The following MYRF variants were observed in gnomAD, a reference collection of about 807,000 sequenced individuals.
The protein encoded by MYRF is myelin gene regulatory factor.
In MYRF, 16 loss-of-function variants were observed where a neutral mutation model predicts 126.3. That is an observed-to-expected ratio of 0.13 (90% CI 0.09 to 0.19). MYRF has a LOEUF of 0.19. MYRF is among the 10% of genes least tolerant of loss of function. The pLI, the probability that MYRF is intolerant of heterozygous loss-of-function variation, is 1.00. For missense variants in MYRF, 1,104 were observed against 1,547.0 expected (o/e 0.71, Z 4.80); for synonymous variants, 608 against 635.3 (o/e 0.96, Z 0.65).
chr11:61,765,157 G>A (rs751259813), intron 1 of MYRF, among the ~76,000 whole-genome samples: 5 of 152,190 alleles, frequency 3.3e-5, no homozygotes, highest in South Asian at 2.1e-4. Flanking sequence ...TGGAGGACAC[G>A]GCAGGACAGT....
chr11:61,759,186 G>T (rs2065840346), intron 1 of MYRF, among the ~76,000 whole-genome samples: 1 of 152,238 alleles, frequency 6.6e-6, no homozygotes, highest in South Asian at 2.1e-4. Context: ...TGCCTGCCCT[G>T]GTCCCTGTGG....
chr11:61,770,489 A>C lies in MYRF; in HGVS notation c.704A>C (p.Gln235Pro). The C allele has an allele frequency of 6.4e-7, 1 of 1,565,332 alleles. No individual in the cohort carries two copies. The highest frequency in any genetic ancestry group is 8.7e-7 in the Non-Finnish European group (1 of 1,154,840). Reference sequence around the variant, plus strand: ...GATCTTCACCACACCCAGCAGTCCCAGATGCTGCACCAGCTCCTGCAGCAG... The same window carrying C: ...GATCTTCACCACACCCAGCAGTCCCCGATGCTGCACCAGCTCCTGCAGCAG... ...PTDLHHTQQS[Q>P]MLHQLLQQHG... Residue 235 changes from glutamine (Q) to proline (P), a missense_variant, in exon 5 of 27, where the codon CAG (glutamine) becomes CCG (proline). By Grantham distance (76) the Gln-to-Pro change is moderately conservative. Transcript: ENST00000278836.
At chr11:61,785,370 T>C (rs2066666366) in intron 25 of MYRF, 1 of 170,850 alleles carries the variant, frequency 5.9e-6, no homozygotes. Context: ...CAGACCTGGG[T>C]TTGAATCCCA....
Position 61,780,748 on chromosome 11 carries a change from G to A in MYRF, c.2442G>A (p.Leu814=). The change falls in exon 19 of 27, where the codon CTG becomes CTA. Residue 814 remains leucine, a synonymous_variant. Coordinates refer to ENST00000278836, the MANE Select transcript of MYRF (RefSeq NM_001127392.3). Reference sequence around the variant, plus strand: ...TGTCCACTTCCTGTCTCCTGGCCCTGCTCCGGCCCCAGCCCCCTGGGGGGA... The same window carrying A: ...TGTCCACTTCCTGTCTCCTGGCCCTACTCCGGCCCCAGCCCCCTGGGGGGA... ...FAVSTSCLLA[L]LRPQPPGGSE... 5 of 1,548,822 alleles carry A rather than the reference G, an allele frequency of 3.2e-6. No individual in the cohort carries two copies. The highest frequency in any genetic ancestry group is 4.4e-6 in the Non-Finnish European group (5 of 1,147,090).
At chr11:61,755,417 G>A (rs756283532) in intron 1 of MYRF, 24 of 1,609,898 alleles carry the variant, frequency 1.5e-5, no homozygotes, top group South Asian at 2.2e-5. Flanking sequence ...GGGACCCACC[G>A]GGCAGGATGC....
Position 61,781,727 on chromosome 11 carries a change from G to A in MYRF, c.2919G>A (p.Lys973=), listed in dbSNP as rs975848364. The change falls in exon 22 of 27, where the codon AAG becomes AAA. Residue 973 remains lysine (K), a synonymous_variant. Coordinates refer to ENST00000278836, the MANE Select transcript of MYRF (RefSeq NM_001127392.3). ...TCCCTGGGGGGCAGGGCAAAGCCAA[G>A]AACAGTCCCAGCCTTGGTTTCCATG... ...VPFPGGQGKA[K]NSPSLGFHGR... is the part of the protein sequence containing the mutation. 7.4e-6 allele frequency: 12 copies of A among 1,613,180 alleles called. No homozygotes were observed. In the African/African-American group the frequency reaches 1.6e-4, roughly 22 times the overall value.
At position 61,783,841 on chromosome 11, in the gene MYRF, G is replaced by A. The variant is rs1358178995; in HGVS notation, c.3120-10G>A. Reference sequence around the variant, plus strand: ...ACCCTCAGGCTAAGGTGCCAGTTTTGCCCCTGCAGGCCTGGGAACTTCACC... The same window carrying A: ...ACCCTCAGGCTAAGGTGCCAGTTTTACCCCTGCAGGCCTGGGAACTTCACC... On this transcript the variant is annotated splice_polypyrimidine_tract_variant and intron_variant, in intron 23 of 26. Coordinates refer to ENST00000278836, the MANE Select transcript of MYRF (RefSeq NM_001127392.3). This position sits in a 1 kb window ranked among gnomAD's most constrained non-coding sequence, Gnocchi z 4.6. 1 of 1,597,628 alleles carries A rather than the reference G, an allele frequency of 6.3e-7. No homozygotes were observed. The highest frequency in any genetic ancestry group is 8.5e-7 in the Non-Finnish European group (1 of 1,171,526).
At position 61,773,953 on chromosome 11, in the gene MYRF, A is replaced by ACCCCCCCCCC; in HGVS notation, c.1116-11_1116-10insCCCCCCCCCC. ...TCTGGGGCCTCAGGGGAGTGCCCTCACCCGCCCCCCCAGGCCCATGCTCAC... is the reference window on the plus strand; with the variant it reads ...TCTGGGGCCTCAGGGGAGTGCCCTCACCCCCCCCCCCCCGCCCCCCCAGGCCCATGCTCAC... On this transcript the variant is annotated splice_polypyrimidine_tract_variant and intron_variant, in intron 7 of 26. Coordinates refer to ENST00000278836, the MANE Select transcript of MYRF (RefSeq NM_001127392.3). 1 of 1,594,338 alleles carries ACCCCCCCCCC rather than the reference A, an allele frequency of 6.3e-7. No homozygotes were observed.
Position 61,776,720 on chromosome 11 carries a change from C to G in MYRF, c.1500-67C>G, listed in dbSNP as rs1447801303. 7.8e-7 allele frequency: 1 copy of G among 1,279,054 alleles called. No homozygotes were observed. The highest frequency in any genetic ancestry group is 1.1e-6 in the Non-Finnish European group (1 of 919,330). The allele number at this position is 1,279,054 out of a possible 1,614,324, so 79.2% of individuals were successfully genotyped here. ...GGGGTGAGATGAACATGCATCTGGCCAGGGAAAGGGTGGCCCTGGGGGCGG... is the reference window on the plus strand; with the variant it reads ...GGGGTGAGATGAACATGCATCTGGCGAGGGAAAGGGTGGCCCTGGGGGCGG... On this transcript the variant is annotated intron_variant, in intron 10 of 26. Coordinates refer to ENST00000278836, the MANE Select transcript of MYRF (RefSeq NM_001127392.3). This position sits in a 1 kb window ranked among gnomAD's most constrained non-coding sequence, Gnocchi z 4.3.
chr11:61,767,452 C>T (rs1182812415), intron 3 of MYRF: 1 of 456,288 alleles, frequency 2.2e-6, no homozygotes, highest in African/African-American at 2.0e-5. Flanking sequence ...AGGGGCTTGT[C>T]CAGAGCCACA....
At position 61,783,901 on chromosome 11, in the gene MYRF, A is replaced by G. The variant is rs770738313; in HGVS notation, c.3170A>G (p.His1057Arg). The stretch of plus-strand genomic sequence containing the variant: ...CCTGTCAGTAGTGGCACCCCACTGC[A>G]CCTCAGCCTGACTCTGCAGATGAAG... ...HIPVSSGTPLHLSLTLQMNSS... is the reference protein window; with the variant it reads ...HIPVSSGTPLRLSLTLQMNSS... The change falls in exon 24 of 27, where the codon CAC becomes CGC. Residue 1057 changes from histidine (H) to arginine (R), a missense_variant. Physicochemically the swap from His to Arg is conservative, Grantham distance 29 (BLOSUM62 0). This residue lies in a region of MYRF where 94 missense variants were observed against 164.6 expected (regional missense o/e 0.57). Transcript: ENST00000278836. This position sits in a 1 kb window ranked among gnomAD's most constrained non-coding sequence, Gnocchi z 4.6. 1.2e-5 allele frequency: 19 copies of G among 1,608,054 alleles called. No individual in the cohort carries two copies. In the East Asian group the frequency reaches 4.2e-4, roughly 36 times the overall value.
intron 25 of MYRF, 135 bp from the exon 26 acceptor site, chr11:61,785,665 T>A: frequency 1.4e-6 from 1 of 697,132 alleles, no homozygotes; most frequent in South Asian, 1.7e-5. Flanking sequence ...TGCTCCTTCC[T>A]ATCTCTTCAA....
chr11:61,766,056 C>T lies in MYRF; in HGVS notation c.233C>T (p.Pro78Leu), dbSNP rs1270666186. 1 of 1,603,774 alleles carries T rather than the reference C, an allele frequency of 6.2e-7. No individual in the cohort carries two copies. Among genetic ancestry groups the T allele is most frequent in the Non-Finnish European group, 8.5e-7 (1 of 1,177,802 alleles). ...GSSGVHHLSPPGGGPSPGRHG... is the reference protein window; with the variant it reads ...GSSGVHHLSPLGGGPSPGRHG... The stretch of plus-strand genomic sequence containing the variant: ...AGCGGGGTCCACCACCTGAGCCCCC[C>T]TGGGGGTGGACCCTCCCCGGGGCGC... Residue 78 changes from proline to leucine, a missense_variant, in exon 3 of 27, where the codon CCT becomes CTT. Physicochemically the swap from Pro to Leu is moderately conservative, Grantham distance 98. Around this residue, in one of 10 missense-constraint regions of MYRF, gnomAD observed 368 missense variants for 403.9 expected, o/e 0.91. Coordinates refer to ENST00000278836, the MANE Select transcript of MYRF (RefSeq NM_001127392.3).
chr11:61,783,292 C>G lies in MYRF; in HGVS notation c.3017-206C>G, dbSNP rs1031988870. Reference sequence around the variant, plus strand: ...GGGTGTTCCAGTTCTTTTGAGGAGGCAGACGTCAGGCTCATGGGAACTGGG... The same window carrying G: ...GGGTGTTCCAGTTCTTTTGAGGAGGGAGACGTCAGGCTCATGGGAACTGGG... On this transcript the variant is annotated intron_variant, in intron 22 of 26. Transcript: ENST00000278836. This position sits in a 1 kb window ranked among gnomAD's most constrained non-coding sequence, Gnocchi z 4.6. 3.2e-5 allele frequency: 15 copies of G among 464,136 alleles called. No homozygotes were observed. Among genetic ancestry groups the G allele is most frequent in the African/African-American group, 2.5e-4 (13 of 51,334 alleles). 28.8% of individuals were successfully genotyped at this position (464,136 alleles called of 1,614,324 possible). A position where few individuals can be genotyped will look rare whatever the true frequency, so the allele number is the denominator to read the frequency against.
chr11:61,758,466 G>A (rs2065818548), intron 1 of MYRF, among the ~76,000 whole-genome samples: 1 of 152,114 alleles, frequency 6.6e-6, no homozygotes, highest in African/African-American at 2.4e-5. Flanking sequence ...TGCTTAGGGA[G>A]GGTCTGACAG....
At chr11:61,781,456 C>A in intron 21 of MYRF, 117 bp from the exon 22 acceptor site, 16 of 1,538,734 alleles carry the variant, frequency 1.0e-5, no homozygotes, top group Non-Finnish European at 1.4e-5. Context: ...CTGGGAAGTT[C>A]CCCTGAGAGG....
At chr11:61,771,334 T>C (rs2066213266) in intron 5 of MYRF, among the ~76,000 whole-genome samples, 166 bp from the exon 6 acceptor site, 1 of 152,022 alleles carries the variant, frequency 6.6e-6, no homozygotes, top group Non-Finnish European at 1.5e-5. Flanking sequence ...CACAGAGCAA[T>C]GGGGAGTAGG....
chr11:61,780,145 G>T, intron 17 of MYRF, 77 bp from the exon 18 acceptor site: 1 of 1,538,170 alleles, frequency 6.5e-7, no homozygotes, highest in South Asian at 1.1e-5. Flanking sequence ...CAGGAGCAAG[G>T]ACCACAGCCT....
Position 61,780,259 on chromosome 11 carries a change from C to A in MYRF, c.2374C>A (p.Arg792Ser). ...SMSTLYVLSL[R>S]TEEDLVDTDG... Reference sequence around the variant, plus strand: ...GTCCACACTGTACGTGCTGAGCCTGCGCACAGAGGAGGACCTGGTAGACAC... The same window carrying A: ...GTCCACACTGTACGTGCTGAGCCTGAGCACAGAGGAGGACCTGGTAGACAC... The change falls in exon 18 of 27, where the codon CGC becomes AGC. Residue 792 changes from arginine to serine, a missense_variant. Transcript: ENST00000278836. 6.2e-7 allele frequency: 1 copy of A among 1,613,824 alleles called. No individual in the cohort carries two copies. Among genetic ancestry groups the A allele is most frequent in the East Asian group, 2.2e-5 (1 of 44,882 alleles).
Sources: gnomAD v4.1 joint callset for allele counts (sites outside exome capture counted in the v4.1 genomes callset) on GRCh38, gnomAD v4.1.1 for gene constraint, gnomAD v4.1.1 regional missense constraint, Gnocchi (gnomAD v3.1) non-coding constraint, MANE v1.5 for transcripts, NCBI Gene and HGNC (gene_info 2026-07-23, HGNC 2026-07-21) for gene names.